Variants in FOXO3 observed in about 807,000 individuals in gnomAD.
The protein encoded by FOXO3 is forkhead box protein O3.
A neutral mutation model predicts 41.9 loss-of-function variants in FOXO3; 4 were observed. The ratio of observed to expected loss-of-function variants is 0.10; its 90% confidence interval spans 0.05 to 0.22. FOXO3 has a LOEUF of 0.22. FOXO3 is among the 10% of genes least tolerant of loss of function. The pLI is 1.00. For missense variants in FOXO3, 534 were observed against 906.8 expected, an observed-to-expected ratio of 0.59 and a Z score of 5.28; for synonymous variants, 318 against 389.3, an observed-to-expected ratio of 0.82 and a Z score of 2.16.
chr6:108,610,905 G>A (rs948540666), intron 1 of FOXO3, among the ~76,000 whole-genome samples: 3 of 152,122 alleles, frequency 2.0e-5, no homozygotes, highest in Non-Finnish European at 4.4e-5. Flanking sequence ...ACCAATTTAA[G>A]TATAAAATTT....
chr6:108,663,667 C>G lies in FOXO3; in HGVS notation c.834C>G (p.Pro278=). Residue 278 remains proline (P), a synonymous_variant, in exon 2 of 3, where the codon CCC becomes CCG. Transcript: ENST00000406360. ...AKKKAALQTA[P]ESADDSPSQL... ...AGAAGGCAGCCCTGCAGACAGCCCC[C>G]GAATCAGCTGACGACAGTCCCTCCC... The G allele has an allele frequency of 1.2e-6, 2 of 1,612,822 alleles. No homozygotes were observed. Among genetic ancestry groups the G allele is most frequent in the South Asian group, 2.2e-5 (2 of 90,920 alleles).
intron 1 of FOXO3, among the ~76,000 whole-genome samples, chr6:108,656,153 G>C (rs1405285336): frequency 6.8e-6 from 1 of 148,130 alleles, no homozygotes; most frequent in African/African-American, 2.5e-5. Flanking sequence ...AAAAGAGAGA[G>C]GAGGGGGTTG....
intron 1 of FOXO3, among the ~76,000 whole-genome samples, chr6:108,565,639 C>T (rs1351342056): frequency 6.8e-6 from 1 of 146,146 alleles, no homozygotes; most frequent in Non-Finnish European, 1.5e-5. Context: ...GTTAAGATTT[C>T]TGCTGCTGCT....
intron 2 of FOXO3, among the ~76,000 whole-genome samples, chr6:108,669,112 C>T (rs1222883505): frequency 6.6e-6 from 1 of 151,762 alleles, no homozygotes; most frequent in Non-Finnish European, 1.5e-5. Context: ...GACTCCGTCT[C>T]AAAAAATAAA....
intron 1 of FOXO3, among the ~76,000 whole-genome samples, chr6:108,617,741 GTT>G: frequency 6.6e-6 from 1 of 152,200 alleles, no homozygotes; most frequent in Admixed American, 6.5e-5. Flanking sequence ...CAGAATCAGT[GTT>G]TTTCCCCATC....
intron 1 of FOXO3, among the ~76,000 whole-genome samples, chr6:108,657,664 G>A (rs1778727088): frequency 6.6e-6 from 1 of 152,186 alleles, no homozygotes; most frequent in Non-Finnish European, 1.5e-5. Flanking sequence ...TATTTGGTAA[G>A]GTGACATACG....
At chr6:108,579,852 T>A (rs1489209972) in intron 1 of FOXO3, among the ~76,000 whole-genome samples, 5 of 152,110 alleles carry the variant, frequency 3.3e-5, no homozygotes, top group African/African-American at 4.8e-5. Flanking sequence ...CTGGAGATAA[T>A]GAGGGACATC....
At chr6:108,645,497 A>G (rs1778370977) in intron 1 of FOXO3, among the ~76,000 whole-genome samples, 1 of 151,806 alleles carries the variant, frequency 6.6e-6, no homozygotes, top group Admixed American at 6.6e-5. Context: ...TTGACCCAAA[A>G]CAAGAAGTGT....
At chr6:108,670,323 C>T (rs1444567531) in intron 2 of FOXO3, among the ~76,000 whole-genome samples, 1 of 152,016 alleles carries the variant, frequency 6.6e-6, no homozygotes, top group Non-Finnish European at 1.5e-5. Context: ...ATTGCTTTCC[C>T]CAATCCTCCA....
At chr6:108,638,787 A>AG (rs1285631989) in intron 1 of FOXO3, among the ~76,000 whole-genome samples, 1 of 152,190 alleles carries the variant, frequency 6.6e-6, no homozygotes, top group African/African-American at 2.4e-5. Flanking sequence ...CAACACAACA[A>AG]GGTATAGAGC....
intron 2 of FOXO3, among the ~76,000 whole-genome samples, chr6:108,671,935 G>C (rs1009839628): frequency 6.6e-6 from 1 of 152,218 alleles, no homozygotes; most frequent in Non-Finnish European, 1.5e-5. Context: ...TGCTCCATTA[G>C]CATCTTTAAA....
intron 1 of FOXO3, among the ~76,000 whole-genome samples, chr6:108,563,951 C>T (rs1427100332): frequency 2.0e-5 from 3 of 150,170 alleles, no homozygotes; most frequent in African/African-American, 4.9e-5. Context: ...GTTTTTTTGT[C>T]TTATGGTTTT....
intron 1 of FOXO3, among the ~76,000 whole-genome samples, chr6:108,565,913 G>A (rs1049292644): frequency 6.6e-6 from 1 of 151,824 alleles, no homozygotes; most frequent in African/African-American, 2.4e-5. Context: ...TTCCACATTG[G>A]CTCATAATTT....
chr6:108,567,588 A>G (rs1227048170), intron 1 of FOXO3, among the ~76,000 whole-genome samples: 1 of 152,222 alleles, frequency 6.6e-6, no homozygotes, highest in African/African-American at 2.4e-5. Flanking sequence ...GACTGGGTTC[A>G]GGGTTCCACA....
intron 1 of FOXO3, among the ~76,000 whole-genome samples, chr6:108,642,445 G>C (rs1671034004): frequency 6.6e-6 from 1 of 152,068 alleles, no homozygotes; most frequent in Non-Finnish European, 1.5e-5. Flanking sequence ...ACTGCTGATA[G>C]CATAACATTA....
chr6:108,576,313 C>T (rs1196883924), intron 1 of FOXO3, among the ~76,000 whole-genome samples: 1 of 152,162 alleles, frequency 6.6e-6, no homozygotes, highest in East Asian at 1.9e-4. Flanking sequence ...CATACTTACC[C>T]TTCATGTCAT....
intron 2 of FOXO3, among the ~76,000 whole-genome samples, chr6:108,676,251 A>G (rs1455982082): frequency 6.6e-6 from 1 of 152,188 alleles, no homozygotes; most frequent in Non-Finnish European, 1.5e-5. Context: ...CTTTGTATTT[A>G]TTGTTAATTG....
At chr6:108,668,922 C>T (rs530065437) in intron 2 of FOXO3, among the ~76,000 whole-genome samples, 3 of 152,018 alleles carry the variant, frequency 2.0e-5, no homozygotes, top group African/African-American at 7.3e-5. Context: ...GTCAGGAGAT[C>T]GAGACGGTGA....
chr6:108,662,716 A>G (rs1778904853), intron 1 of FOXO3, among the ~76,000 whole-genome samples: 1 of 152,230 alleles, frequency 6.6e-6, no homozygotes, highest in Non-Finnish European at 1.5e-5. Flanking sequence ...GCCCTCCACC[A>G]GGTGATTAAT....
Sources: gnomAD v4.1 joint callset for allele counts (sites outside exome capture counted in the v4.1 genomes callset) on GRCh38, gnomAD v4.1.1 for gene constraint, MANE v1.5 for transcripts, NCBI Gene and HGNC (gene_info 2026-07-23, HGNC 2026-07-21) for gene names.